WDR17: variants seen among roughly 807,000 people sequenced by gnomAD.
WDR17 encodes WD repeat domain 17.
Under a neutral mutation model 161.7 loss-of-function variants are expected in WDR17, and 143 were observed. The observed-to-expected ratio is 0.88, with a 90% CI of 0.77 to 1.02. WDR17 has a LOEUF of 1.02. WDR17 is among the 50% of genes least tolerant of loss of function. WDR17 has a pLI of 0.00. For synonymous variants in WDR17, 517 were observed against 515.6 expected, an observed-to-expected ratio of 1.00 and a Z score of -0.04; for missense variants, 1,469 against 1,520.9, an observed-to-expected ratio of 0.97 and a Z score of 0.57.
At chr4:176,151,748 T>C (rs1026500425) in intron 16 of WDR17, 64 bp from the exon 17 acceptor site, 10 of 1,364,610 alleles carry the variant, frequency 7.3e-6, no homozygotes, top group Non-Finnish European at 9.9e-6. Flanking sequence ...CAACAAATTA[T>C]TGTGACACAT....
Position 176,146,173 on chromosome 4 carries a change from G to T in WDR17, c.1694+14G>T. Reference sequence around the variant, plus strand: ...TTCTGATGATGGGTATGTATTTTTGGATTCTAATTTTCTAGTCCTTAAAAT... The same window carrying T: ...TTCTGATGATGGGTATGTATTTTTGTATTCTAATTTTCTAGTCCTTAAAAT... On this transcript the variant is annotated intron_variant, in intron 12 of 28. Transcript: ENST00000508596. 2 of 1,605,756 alleles carry T rather than the reference G, an allele frequency of 1.2e-6. No homozygotes were observed. The highest frequency in any genetic ancestry group is 1.1e-5 in the South Asian group (1 of 89,228).
At chr4:176,167,661 A>AAAAAAACAAC (rs1554036561) in intron 22 of WDR17, among the ~76,000 whole-genome samples, 7 of 113,776 alleles carry the variant, frequency 6.2e-5, no homozygotes, top group Non-Finnish European at 9.0e-5. Flanking sequence ...AAAAAAAAAA[A>AAAAAAACAAC]AAAAAAAAAA....
At chr4:176,113,847 A>G (rs1383118583) in intron 2 of WDR17, among the ~76,000 whole-genome samples, 2 of 152,014 alleles carry the variant, frequency 1.3e-5, no homozygotes, top group Non-Finnish European at 2.9e-5. Flanking sequence ...TTTTTCTTTA[A>G]CTGTTGTTTT....
chr4:176,090,260 A>T (rs1015038772), intron 1 of WDR17, among the ~76,000 whole-genome samples: 2 of 151,206 alleles, frequency 1.3e-5, no homozygotes, highest in Non-Finnish European at 3.0e-5. Flanking sequence ...TTGTTTTAAA[A>T]AAAAAAAAAA....
chr4:176,170,647 A>G lies in WDR17; in HGVS notation c.3103-1728A>G, dbSNP rs565179737. Among the ~76,000 whole-genome samples the G allele has an allele frequency of 2.5e-4, 38 of 152,334 alleles. No individual in the cohort carries two copies. In the South Asian group the frequency reaches 5.0e-3, roughly 20 times the overall value. ...TTATTTTCTAGTGCAAGCTACACACAGTAGAAGAATATAGGCAGTTAGCTA... is the reference window on the plus strand; with the variant it reads ...TTATTTTCTAGTGCAAGCTACACACGGTAGAAGAATATAGGCAGTTAGCTA... On this transcript the variant is annotated intron_variant, in intron 23 of 28. Coordinates refer to ENST00000508596, the MANE Select transcript of WDR17 (RefSeq NM_181265.4).
At chr4:176,096,135 C>T (rs1736817471) in intron 1 of WDR17, among the ~76,000 whole-genome samples, 1 of 152,022 alleles carries the variant, frequency 6.6e-6, no homozygotes, top group Admixed American at 6.6e-5. Flanking sequence ...AAATCATTTT[C>T]TGCTGCCCAT....
intron 12 of WDR17, among the ~76,000 whole-genome samples, chr4:176,147,533 A>G (rs1421514183): frequency 2.6e-5 from 4 of 152,208 alleles, no homozygotes; most frequent in African/African-American, 9.6e-5. Context: ...TGATTAAAGC[A>G]TAAATATCCA....
chr4:176,106,459 C>T (rs191967490), intron 1 of WDR17, among the ~76,000 whole-genome samples: 99 of 151,908 alleles, frequency 6.5e-4, no homozygotes, highest in Non-Finnish European at 8.8e-4. Context: ...TTACCTAACA[C>T]CATATAAAAA....
At chr4:176,089,652 C>T (rs188983422) in intron 1 of WDR17, among the ~76,000 whole-genome samples, 14 of 152,036 alleles carry the variant, frequency 9.2e-5, no homozygotes, top group Admixed American at 7.2e-4. Context: ...GTATGAGTGC[C>T]GAGTGTAGTA....
chr4:176,071,298 A>G (rs1449418389), intron 1 of WDR17, among the ~76,000 whole-genome samples: 1 of 151,084 alleles, frequency 6.6e-6, no homozygotes, highest in Admixed American at 6.6e-5. Context: ...AATTGAAAAT[A>G]TGTGATTTCT....
intron 1 of WDR17, among the ~76,000 whole-genome samples, chr4:176,069,579 A>G (rs1439516098): frequency 6.6e-6 from 1 of 152,108 alleles, no homozygotes; most frequent in Non-Finnish European, 1.5e-5. Context: ...GAGATGGAGA[A>G]CTCAAGATTG....
intron 15 of WDR17, 137 bp from the exon 16 acceptor site, chr4:176,150,331 C>T (rs1746917669): frequency 3.5e-6 from 5 of 1,437,646 alleles, no homozygotes; most frequent in East Asian, 2.3e-5. Flanking sequence ...AAACTAGAAA[C>T]AATACATGAG....
intron 17 of WDR17, among the ~76,000 whole-genome samples, chr4:176,153,919 A>G (rs1467142017): frequency 1.3e-5 from 2 of 152,326 alleles, no homozygotes; most frequent in East Asian, 1.9e-4. Flanking sequence ...AAAGTAGTAA[A>G]TATTTAACTA....
At chr4:176,178,454 T>A (rs1751776024) in intron 28 of WDR17, among the ~76,000 whole-genome samples, 5 of 152,182 alleles carry the variant, frequency 3.3e-5, no homozygotes, top group African/African-American at 1.2e-4. Context: ...GTTTCTTTCC[T>A]CCTTTTCTTA....
chr4:176,083,655 T>G (rs2126601555), intron 1 of WDR17, among the ~76,000 whole-genome samples: 1 of 152,268 alleles, frequency 6.6e-6, no homozygotes, highest in Admixed American at 6.5e-5. Context: ...CTAATACATG[T>G]CTTTTGATGA....
chr4:176,111,729 T>C, intron 2 of WDR17, 26 bp downstream of exon 2: 3 of 1,526,566 alleles, frequency 2.0e-6, no homozygotes, highest in Non-Finnish European at 8.8e-7. Flanking sequence ...TTTTCCATTT[T>C]TAATTATATC....
intron 11 of WDR17, among the ~76,000 whole-genome samples, chr4:176,145,325 CTATTGTGAG>C (rs1464711429): frequency 6.6e-6 from 1 of 152,160 alleles, no homozygotes; most frequent in Non-Finnish European, 1.5e-5. Flanking sequence ...CTTATTCTCA[CTATTGTGAG>C]AATACTGAGC....
Position 176,163,221 on chromosome 4 carries a change from G to A in WDR17, c.2918G>A (p.Gly973Glu), listed in dbSNP as rs184219717. The change falls in exon 22 of 29, where the codon GGA (glycine) becomes GAA (glutamate). Residue 973 changes from glycine (G) to glutamate (E), a missense_variant. Coordinates refer to ENST00000508596, the MANE Select transcript of WDR17 (RefSeq NM_181265.4). Reference protein sequence around the residue: ...ELAVCVGTVLGESAAPATHYA... With the variant: ...ELAVCVGTVLEESAAPATHYA... ...GCAGTCTGTGTGGGCACAGTACTAGGAGAGTCTGCAGCACCAGCAACCCAC... is the reference window on the plus strand; with the variant it reads ...GCAGTCTGTGTGGGCACAGTACTAGAAGAGTCTGCAGCACCAGCAACCCAC... The A allele has an allele frequency of 5.6e-6, 9 of 1,613,982 alleles. No homozygotes were observed. Among genetic ancestry groups the A allele is most frequent in the Non-Finnish European group, 7.6e-6 (9 of 1,180,014 alleles).
chr4:176,166,092 T>C (rs1749737064), intron 22 of WDR17: 2 of 1,096,934 alleles, frequency 1.8e-6, no homozygotes, highest in Non-Finnish European at 2.6e-6. Flanking sequence ...CATCGTATAA[T>C]CATGGTATTC....
Sources: gnomAD v4.1 joint callset for allele counts (sites outside exome capture counted in the v4.1 genomes callset) on GRCh38, gnomAD v4.1.1 for gene constraint, MANE v1.5 for transcripts, NCBI Gene and HGNC (gene_info 2026-07-23, HGNC 2026-07-21) for gene names.